LRRTM4: variants seen among roughly 807,000 people sequenced by gnomAD.
LRRTM4 encodes the protein leucine-rich repeat transmembrane neuronal protein 4.
In LRRTM4, 25 loss-of-function variants were observed where a neutral mutation model predicts 47.6. The observed-to-expected ratio is 0.53, with a 90% CI of 0.38 to 0.73. The LOEUF is 0.73. Among genes scored for constraint, LRRTM4 ranks in the 30% least tolerant of loss-of-function variants. LRRTM4 has a pLI of 0.00. For synonymous variants in LRRTM4, 311 were observed against 269.5 expected (o/e 1.15, Z -1.51); for missense variants, 638 against 713.4 (o/e 0.89, Z 1.20).
chr2:77,509,674 TC>T (rs1678910772), intron 3 of LRRTM4, among the ~76,000 whole-genome samples: 1 of 152,204 alleles, frequency 6.6e-6, no homozygotes, highest in Non-Finnish European at 1.5e-5. Context: ...TAATAATCAT[TC>T]ATATTTACAC....
intron 3 of LRRTM4, among the ~76,000 whole-genome samples, chr2:77,165,917 C>T (rs911622632): frequency 6.6e-6 from 1 of 152,218 alleles, no homozygotes. Context: ...GGGATGCCCT[C>T]TCTCACCACT....
intron 3 of LRRTM4, among the ~76,000 whole-genome samples, chr2:77,456,194 A>G (rs1172310386): frequency 6.6e-6 from 1 of 152,210 alleles, no homozygotes; most frequent in Non-Finnish European, 1.5e-5. Context: ...ACACTCATTT[A>G]ATCCATAAAT....
intron 3 of LRRTM4, among the ~76,000 whole-genome samples, chr2:77,160,079 C>T (rs569329409): frequency 6.6e-6 from 1 of 152,272 alleles, no homozygotes; most frequent in Non-Finnish European, 1.5e-5. Flanking sequence ...CTCCAAGATG[C>T]ATATCTTCAA....
chr2:77,175,511 C>T (rs1352356613), intron 3 of LRRTM4, among the ~76,000 whole-genome samples: 2 of 152,198 alleles, frequency 1.3e-5, no homozygotes, highest in South Asian at 2.1e-4. Context: ...TTGATTGTAT[C>T]TTGAGTTAAA....
At chr2:76,856,282 A>AAG (rs1246663046) in intron 3 of LRRTM4, among the ~76,000 whole-genome samples, 6 of 151,816 alleles carry the variant, frequency 4.0e-5, no homozygotes, top group South Asian at 2.1e-4. Context: ...GTCTCAGAAA[A>AAG]AGAGAGAGAG....
In LRRTM4 at chr2:76,844,295, C is replaced by T. The variant is rs140641364; in HGVS notation, c.1552-95379G>A. 3.5e-3 allele frequency among the ~76,000 whole-genome samples: 528 copies of T among 151,926 alleles called. 1 individual carries two copies. The highest frequency in any genetic ancestry group is 0.01 in the Middle Eastern group (3 of 294). ...GACTACAGACGCATGCCACCACGCC[C>T]GGCTAATTTTTTTGTATTTTTGGTA... On this transcript the variant is annotated intron_variant, in intron 3 of 3. Coordinates refer to ENST00000409884, the MANE Select transcript of LRRTM4 (RefSeq NM_001134745.3).
intron 3 of LRRTM4, among the ~76,000 whole-genome samples, chr2:76,903,572 C>G (rs1673718753): frequency 6.6e-6 from 1 of 151,934 alleles, no homozygotes. Context: ...ACAAACAAAA[C>G]AACAACAACA....
At chr2:77,019,978 C>T (rs1225591791) in intron 3 of LRRTM4, among the ~76,000 whole-genome samples, 1 of 151,874 alleles carries the variant, frequency 6.6e-6, no homozygotes, top group Non-Finnish European at 1.5e-5. Flanking sequence ...AAATGGTGAC[C>T]TGTGTTTTTT....
chr2:76,980,201 A>C (rs1019878365), intron 3 of LRRTM4, among the ~76,000 whole-genome samples: 4 of 152,106 alleles, frequency 2.6e-5, no homozygotes, highest in African/African-American at 9.6e-5. Flanking sequence ...ATAGAGGCCC[A>C]AAGAAAAGCG....
intron 3 of LRRTM4, among the ~76,000 whole-genome samples, chr2:77,040,118 G>A (rs1678975639): frequency 1.3e-5 from 2 of 151,074 alleles, no homozygotes; most frequent in Non-Finnish European, 3.0e-5. Flanking sequence ...TGCTACCATG[G>A]ATTTCATTGT....
chr2:77,447,141 G>A (rs921437965), intron 3 of LRRTM4, among the ~76,000 whole-genome samples: 4 of 149,986 alleles, frequency 2.7e-5, no homozygotes, highest in Non-Finnish European at 4.4e-5. Context: ...TATGGGAGAA[G>A]CTTCACATCT....
chr2:77,347,337 T>C (rs898247585), intron 3 of LRRTM4, among the ~76,000 whole-genome samples: 1 of 152,136 alleles, frequency 6.6e-6, no homozygotes, highest in African/African-American at 2.4e-5. Context: ...CTTTAATCAC[T>C]TCATTTAAAT....
At chr2:76,983,417 T>C (rs2103971372) in intron 3 of LRRTM4, among the ~76,000 whole-genome samples, 1 of 152,150 alleles carries the variant, frequency 6.6e-6, no homozygotes, top group South Asian at 2.1e-4. Flanking sequence ...TCCCCCATAC[T>C]GTTCTCATGG....
At chr2:77,511,940 T>C (rs1679028796) in intron 3 of LRRTM4, among the ~76,000 whole-genome samples, 1 of 152,116 alleles carries the variant, frequency 6.6e-6, no homozygotes, top group Admixed American at 6.6e-5. Flanking sequence ...GGTGTTAGCT[T>C]TCATATATTT....
intron 3 of LRRTM4, among the ~76,000 whole-genome samples, chr2:77,507,518 G>A (rs942226498): frequency 2.6e-5 from 4 of 152,092 alleles, no homozygotes; most frequent in Non-Finnish European, 4.4e-5. Context: ...CACACTGTGA[G>A]TGGTCAGATA....
chr2:77,498,360 A>G (rs969584825), intron 3 of LRRTM4, among the ~76,000 whole-genome samples: 13 of 151,782 alleles, frequency 8.6e-5, no homozygotes, highest in African/African-American at 2.7e-4. Context: ...GCCAGACTCC[A>G]AATTTTTTCC....
At chr2:76,852,568 G>A (rs1672029549) in intron 3 of LRRTM4, among the ~76,000 whole-genome samples, 1 of 152,012 alleles carries the variant, frequency 6.6e-6, no homozygotes, top group South Asian at 2.1e-4. Context: ...TATTAAATTA[G>A]CATTTGTCTA....
chr2:77,096,182 G>A (rs868489440), intron 3 of LRRTM4, among the ~76,000 whole-genome samples: 2 of 151,470 alleles, frequency 1.3e-5, no homozygotes, highest in African/African-American at 4.8e-5. Context: ...ATTTTTTAAA[G>A]ATAGTGACTA....
rs190535663 is a variant in LRRTM4 at position 76,788,291 on chromosome 2, A to C, written c.1552-39375T>G. 1.3e-3 allele frequency among the ~76,000 whole-genome samples: 203 copies of C among 152,348 alleles called. 3 individuals are homozygous for C. In the South Asian group the frequency reaches 0.017, roughly 13 times the overall value. Reference sequence around the variant, plus strand: ...TGAGAGGGGACAACATCTGAGAGTTAGACAAGAAAAGGAGTCACATAGTCA... The same window carrying C: ...TGAGAGGGGACAACATCTGAGAGTTCGACAAGAAAAGGAGTCACATAGTCA... On this transcript the variant is annotated intron_variant, in intron 3 of 3. Coordinates refer to ENST00000409884, the MANE Select transcript of LRRTM4 (RefSeq NM_001134745.3).
Sources: gnomAD v4.1 joint callset for allele counts (sites outside exome capture counted in the v4.1 genomes callset) on GRCh38, gnomAD v4.1.1 for gene constraint, MANE v1.5 for transcripts, NCBI Gene and HGNC (gene_info 2026-07-23, HGNC 2026-07-21) for gene names.